PARD3B: variants seen among roughly 807,000 people sequenced by gnomAD.
PARD3B encodes partitioning defective 3 homolog B.
A neutral mutation model predicts 130.2 loss-of-function variants in PARD3B; 103 were observed. That is an observed-to-expected ratio of 0.79 (90% CI 0.67 to 0.93). The LOEUF is 0.93. Ranked by LOEUF, PARD3B falls within the 40% of genes least tolerant of loss-of-function variation. The pLI is 0.00. For synonymous variants in PARD3B, 583 were observed against 553.2 expected (o/e 1.05, Z -0.76); for missense variants, 1,609 against 1,499.2 (o/e 1.07, Z -1.21).
chr2:205,365,549 CTTTTTT>C (rs3048121), intron 18 of PARD3B, among the ~76,000 whole-genome samples: 1 of 113,760 alleles, frequency 8.8e-6, no homozygotes, highest in Non-Finnish European at 1.6e-5. Context: ...CCCAACCTTC[CTTTTTT>C]TTTTTTTTTT....
At chr2:205,305,833 A>C (rs971443247) in intron 18 of PARD3B, among the ~76,000 whole-genome samples, 7 of 152,222 alleles carry the variant, frequency 4.6e-5, no homozygotes, top group African/African-American at 1.7e-4. Context: ...CCTGGCAAGC[A>C]ATAAACATTC....
chr2:204,699,443 C>T (rs1325108652), intron 2 of PARD3B, among the ~76,000 whole-genome samples: 1 of 152,040 alleles, frequency 6.6e-6, no homozygotes, highest in Non-Finnish European at 1.5e-5. Context: ...TTTAAACAAG[C>T]TTCAGAACAT....
chr2:204,936,045 C>T (rs1688427323), intron 2 of PARD3B, among the ~76,000 whole-genome samples: 1 of 152,176 alleles, frequency 6.6e-6, no homozygotes, highest in Non-Finnish European at 1.5e-5. Context: ...TCAAAATTTT[C>T]TTTGAAGATG....
At chr2:204,600,531 T>C (rs1200030346) in intron 1 of PARD3B, among the ~76,000 whole-genome samples, 3 of 151,952 alleles carry the variant, frequency 2.0e-5, no homozygotes, top group Admixed American at 6.6e-5. Context: ...GTGCCTGCTT[T>C]TATGCCAGTA....
chr2:205,335,077 C>G (rs1323699477), intron 18 of PARD3B, among the ~76,000 whole-genome samples: 1 of 152,072 alleles, frequency 6.6e-6, no homozygotes, highest in African/African-American at 2.4e-5. Context: ...AGTTTATGCC[C>G]CTCCCTTCCG....
chr2:205,507,163 C>G (rs71427791), intron 21 of PARD3B, among the ~76,000 whole-genome samples: 1 of 127,084 alleles, frequency 7.9e-6, no homozygotes, highest in African/African-American at 3.0e-5. Context: ...GTGTCCACTT[C>G]TGAACCAACC....
chr2:205,099,136 A>T (rs1224568935), intron 4 of PARD3B, among the ~76,000 whole-genome samples: 1 of 152,152 alleles, frequency 6.6e-6, no homozygotes, highest in East Asian at 1.9e-4. Context: ...CCAAAAGAGG[A>T]GATAAAATTT....
chr2:204,790,074 G>A (rs1448396336), intron 2 of PARD3B, among the ~76,000 whole-genome samples: 9 of 152,096 alleles, frequency 5.9e-5, no homozygotes, highest in Non-Finnish European at 1.3e-4. Flanking sequence ...GTTTCACCGT[G>A]TTAGCCAGGA....
intron 18 of PARD3B, among the ~76,000 whole-genome samples, chr2:205,396,151 C>T (rs1172375342): frequency 6.6e-6 from 1 of 152,200 alleles, no homozygotes; most frequent in Non-Finnish European, 1.5e-5. Flanking sequence ...TGGAACTTCT[C>T]ACTCTTATAT....
intron 2 of PARD3B, among the ~76,000 whole-genome samples, chr2:204,831,830 A>G (rs917866724): frequency 9.9e-5 from 15 of 152,166 alleles, no homozygotes; most frequent in African/African-American, 2.7e-4. Context: ...TTTTTATACA[A>G]TATAAATGAA....
intron 3 of PARD3B, among the ~76,000 whole-genome samples, chr2:205,025,096 C>T (rs1445383488): frequency 6.6e-6 from 1 of 152,132 alleles, no homozygotes; most frequent in African/African-American, 2.4e-5. Context: ...TGCTGTTTAT[C>T]TTCTTTCCAG....
chr2:205,406,458 T>C (rs1289988087), intron 19 of PARD3B, among the ~76,000 whole-genome samples: 1 of 152,052 alleles, frequency 6.6e-6, no homozygotes, highest in Non-Finnish European at 1.5e-5. Context: ...TGATTACATT[T>C]AGAAAGCATT....
At chr2:205,246,916 A>G (rs1274871001) in intron 16 of PARD3B, among the ~76,000 whole-genome samples, 1 of 152,160 alleles carries the variant, frequency 6.6e-6, no homozygotes, top group Non-Finnish European at 1.5e-5. Context: ...AAATTGCCAC[A>G]TGCTCCTTGC....
chr2:205,164,125 T>A (rs1005763046), intron 11 of PARD3B, among the ~76,000 whole-genome samples: 1 of 152,222 alleles, frequency 6.6e-6, no homozygotes, highest in Admixed American at 6.5e-5. Context: ...AATCACTATA[T>A]ATCCAATAAG....
At position 205,116,150 on chromosome 2, in the gene PARD3B, C is replaced by T. The variant is rs79029628; in HGVS notation, c.680+2573C>T. On this transcript the variant is annotated intron_variant, in intron 6 of 22. Coordinates refer to ENST00000406610, the MANE Select transcript of PARD3B (RefSeq NM_001302769.2). This position sits in a 1 kb window ranked among gnomAD's most constrained non-coding sequence, Gnocchi z 4.5. ...AAAAACAAAGCAAACATAAAAAAAA[C>T]ACCAAAGTTCTTGCAACTAAAATGC... Among the ~76,000 whole-genome samples the T allele has an allele frequency of 4.6e-5, 7 of 152,026 alleles. No homozygotes were observed. The highest frequency in any genetic ancestry group is 1.5e-5 in the Non-Finnish European group (1 of 67,990).
chr2:205,234,802 T>G (rs778106778), intron 15 of PARD3B, among the ~76,000 whole-genome samples: 20 of 152,192 alleles, frequency 1.3e-4, no homozygotes, highest in Non-Finnish European at 2.8e-4. Flanking sequence ...TAAAAAGTCT[T>G]AAAAGTTTTG....
At chr2:204,996,330 A>G (rs187929390) in intron 3 of PARD3B, among the ~76,000 whole-genome samples, 44 of 151,822 alleles carry the variant, frequency 2.9e-4, no homozygotes, top group Admixed American at 9.8e-4. Flanking sequence ...GTCTGTTGGA[A>G]TACCCTCCCG....
In PARD3B at chr2:204,686,219, T is replaced by C; in HGVS notation, c.159T>C (p.Tyr53=). The C allele has an allele frequency of 6.2e-7, 1 of 1,612,730 alleles. No homozygotes were observed. The highest frequency in any genetic ancestry group is 8.5e-7 in the Non-Finnish European group (1 of 1,178,898). Residue 53 remains tyrosine, a synonymous_variant, in exon 2 of 23, where the codon TAT becomes TAC. Coordinates refer to ENST00000406610, the MANE Select transcript of PARD3B (RefSeq NM_001302769.2). Reference sequence around the variant, plus strand: ...GGGTGAAGATTCATCACTTAGAATATACAGATGGAGGAATCCTGGATCCAG... The same window carrying C: ...GGGTGAAGATTCATCACTTAGAATACACAGATGGAGGAATCCTGGATCCAG... ...GYWVKIHHLE[Y]TDGGILDPDD... is the part of the protein sequence containing the mutation.
At chr2:204,599,109 G>A (rs566535711) in intron 1 of PARD3B, among the ~76,000 whole-genome samples, 9 of 151,246 alleles carry the variant, frequency 6.0e-5, no homozygotes, top group Middle Eastern at 3.4e-3. Context: ...GTGATCTTTC[G>A]ATACATACAG....
Sources: allele counts gnomAD v4.1 joint callset (sites outside exome capture counted in the v4.1 genomes callset), GRCh38; gene constraint gnomAD v4.1.1; non-coding constraint Gnocchi (gnomAD v3.1); transcripts MANE v1.5; gene names NCBI Gene and HGNC (gene_info 2026-07-23, HGNC 2026-07-21).